MCUB: variants seen among roughly 807,000 people sequenced by gnomAD.
MCUB encodes calcium uniporter regulatory subunit MCUb, mitochondrial.
A neutral mutation model predicts 41.4 loss-of-function variants in MCUB; 46 were observed. The observed-to-expected ratio is 1.11, with a 90% CI of 0.88 to 1.42. MCUB has a LOEUF of 1.42. Among genes scored for constraint, MCUB ranks in the 40% most tolerant of loss-of-function variants. The pLI, the probability that MCUB is intolerant of heterozygous loss-of-function variation, is 0.00. For missense variants in MCUB, 403 were observed against 404.9 expected, an observed-to-expected ratio of 1.00 and a Z score of 0.04; for synonymous variants, 148 against 148.2, an observed-to-expected ratio of 1.00 and a Z score of 0.01.
intron 1 of MCUB, among the ~76,000 whole-genome samples, chr4:109,633,154 C>T (rs1244657042): frequency 2.6e-5 from 4 of 151,944 alleles, no homozygotes; most frequent in East Asian, 1.9e-4. Flanking sequence ...ATAACAGAAG[C>T]GACAGAAGTG....
intron 1 of MCUB, among the ~76,000 whole-genome samples, chr4:109,625,361 T>A (rs1728339335): frequency 6.6e-6 from 1 of 152,220 alleles, no homozygotes; most frequent in South Asian, 2.1e-4. Flanking sequence ...AGGCCCAGTA[T>A]GCATTCACCT....
chr4:109,640,543 C>T (rs1341772904), intron 1 of MCUB, among the ~76,000 whole-genome samples: 3 of 152,254 alleles, frequency 2.0e-5, no homozygotes, highest in Admixed American at 6.5e-5. Context: ...GTACTTGTTG[C>T]TTCACCTTGC....
intron 1 of MCUB, among the ~76,000 whole-genome samples, chr4:109,635,404 C>A (rs1728568167): frequency 6.6e-6 from 1 of 152,202 alleles, no homozygotes; most frequent in Admixed American, 6.5e-5. Context: ...GTTCCTGCGG[C>A]CTTCTTACCC....
At chr4:109,651,747 C>T (rs1422882339) in intron 1 of MCUB, among the ~76,000 whole-genome samples, 2 of 152,158 alleles carry the variant, frequency 1.3e-5, no homozygotes, top group Non-Finnish European at 2.9e-5. Flanking sequence ...TCCATTCTTG[C>T]ACAGGATAAA....
chr4:109,572,132 A>T (rs1726929439), intron 1 of MCUB, among the ~76,000 whole-genome samples: 1 of 152,266 alleles, frequency 6.6e-6, no homozygotes. Context: ...CTTAAAAAGT[A>T]ATTTGAGCTA....
intron 1 of MCUB, among the ~76,000 whole-genome samples, chr4:109,656,382 T>G (rs1167392538): frequency 1.7e-4 from 5 of 30,120 alleles, no homozygotes; most frequent in African/African-American, 1.0e-3. Flanking sequence ...TTTTTTTTTT[T>G]TTTTTTTTTT....
At chr4:109,615,510 C>T (rs1391033116) in intron 1 of MCUB, among the ~76,000 whole-genome samples, 3 of 151,770 alleles carry the variant, frequency 2.0e-5, no homozygotes, top group Non-Finnish European at 4.4e-5. Flanking sequence ...GGTTTTACGC[C>T]ATTCTCCTGC....
chr4:109,563,322 C>CT (rs918653221), intron 1 of MCUB, among the ~76,000 whole-genome samples: 4 of 152,124 alleles, frequency 2.6e-5, no homozygotes, highest in African/African-American at 7.2e-5. Context: ...ATCGAGTATG[C>CT]TTTTTTTAAC....
intron 1 of MCUB, among the ~76,000 whole-genome samples, chr4:109,616,439 G>A (rs1282073517): frequency 6.6e-6 from 1 of 152,210 alleles, no homozygotes; most frequent in Non-Finnish European, 1.5e-5. Flanking sequence ...TATTGTCCAT[G>A]TTGTGAGCCA....
In MCUB at chr4:109,678,859, T is replaced by C. The variant is rs554722183; in HGVS notation, c.452-3723T>C. ...AGAGGCGCTCTCACTTCCTCCCAGA[T>C]GGGGCGGCCGGGCAGAGACACTCCC... On this transcript the variant is annotated intron_variant, in intron 4 of 7. Coordinates refer to ENST00000394650, the MANE Select transcript of MCUB (RefSeq NM_017918.5). Among the ~76,000 whole-genome samples the C allele has an allele frequency of 6.2e-3, 583 of 94,640 alleles. 3 individuals are homozygous for C. The highest frequency in any genetic ancestry group is 0.036 in the Middle Eastern group (3 of 84). 62.1% of individuals were successfully genotyped at this position (94,640 alleles called of 152,430 possible). A position where few individuals can be genotyped will look rare whatever the true frequency, so the allele number is the denominator to read the frequency against.
intron 1 of MCUB, among the ~76,000 whole-genome samples, chr4:109,635,254 A>G (rs572676977): frequency 6.6e-6 from 1 of 152,356 alleles, no homozygotes; most frequent in Admixed American, 6.5e-5. Flanking sequence ...ACAATGCTGC[A>G]ATAAACATAC....
chr4:109,678,932 C>T (rs1181331365), intron 4 of MCUB, among the ~76,000 whole-genome samples: 21 of 144,812 alleles, frequency 1.5e-4, no homozygotes, highest in African/African-American at 4.3e-4. Context: ...CCTCACATCC[C>T]AGACAGGGTG....
At chr4:109,608,028 G>T (rs1166237281) in intron 1 of MCUB, among the ~76,000 whole-genome samples, 1 of 152,052 alleles carries the variant, frequency 6.6e-6, no homozygotes, top group Non-Finnish European at 1.5e-5. Flanking sequence ...TCTTAGATAT[G>T]ACCCTTTGAA....
intron 1 of MCUB, among the ~76,000 whole-genome samples, chr4:109,632,708 C>G (rs989725080): frequency 6.6e-6 from 1 of 150,932 alleles, no homozygotes; most frequent in Non-Finnish European, 1.5e-5. Flanking sequence ...CTCCACCTCC[C>G]GGTTCAAGTG....
chr4:109,670,837 A>G (rs1040808545), intron 4 of MCUB, among the ~76,000 whole-genome samples: 1 of 152,120 alleles, frequency 6.6e-6, no homozygotes, highest in African/African-American at 2.4e-5. Context: ...CACTGTATCT[A>G]GTAGAGCTCC....
intron 1 of MCUB, 93 bp downstream of exon 1, chr4:109,560,529 A>G (rs1416901990): frequency 1.7e-6 from 1 of 587,250 alleles, no homozygotes; most frequent in Non-Finnish European, 2.5e-6. Context: ...CGAGCGGCCG[A>G]GCAGTCAACT....
chr4:109,609,720 C>T (rs1344005460), intron 1 of MCUB, among the ~76,000 whole-genome samples: 4 of 152,114 alleles, frequency 2.6e-5, no homozygotes, highest in Admixed American at 2.0e-4. Flanking sequence ...CTGGCTCAGA[C>T]CTGAATCCAA....
rs141245371 is a variant in MCUB at position 109,563,509 on chromosome 4, C to G, written c.99+3073C>G. ...CTATTCTATAAAACTAACTTCAGAG[C>G]CCTCTCCTGAGGAGAGCAATTGGTT... On this transcript the variant is annotated intron_variant, in intron 1 of 7. Transcript: ENST00000394650. Among the ~76,000 whole-genome samples, 295 of 152,266 alleles carry G rather than the reference C, an allele frequency of 1.9e-3. 2 individuals carry two copies. Among genetic ancestry groups the G allele is most frequent in the African/African-American group, 6.9e-3 (286 of 41,558 alleles).
chr4:109,607,473 C>T (rs1388402694), intron 1 of MCUB, among the ~76,000 whole-genome samples: 1 of 152,098 alleles, frequency 6.6e-6, no homozygotes, highest in Non-Finnish European at 1.5e-5. Context: ...CTGCCTTGGC[C>T]TCCCAAAGTG....
Sources: gnomAD v4.1 joint callset for allele counts (sites outside exome capture counted in the v4.1 genomes callset) on GRCh38, gnomAD v4.1.1 for gene constraint, MANE v1.5 for transcripts, NCBI Gene and HGNC (gene_info 2026-07-23, HGNC 2026-07-21) for gene names.